Variants in ANKS1B observed in about 807,000 individuals in gnomAD.
ANKS1B encodes the protein ankyrin repeat and sterile alpha motif domain-containing protein 1B.
Under a neutral mutation model 148.3 loss-of-function variants are expected in ANKS1B, and 36 were observed. That is an observed-to-expected ratio of 0.24 (90% confidence interval 0.19 to 0.32). The LOEUF (loss-of-function observed/expected upper bound fraction) is 0.32, where lower values mean the gene tolerates loss of function less well. Among genes scored for constraint, ANKS1B ranks in the 10% least tolerant of loss-of-function variants. The pLI, the probability that ANKS1B is intolerant of heterozygous loss-of-function variation, is 1.00. For missense variants in ANKS1B, 1,157 were observed against 1,542.6 expected (o/e 0.75, Z 4.19); for synonymous variants, 542 against 560.8 (o/e 0.97, Z 0.47).
intron 11 of ANKS1B, among the ~76,000 whole-genome samples, chr12:99,442,976 A>G (rs967918638): frequency 6.6e-6 from 1 of 151,958 alleles, no homozygotes; most frequent in East Asian, 1.9e-4. Flanking sequence ...TGGCAAAAAT[A>G]TAATGCAAAC....
intron 11 of ANKS1B, among the ~76,000 whole-genome samples, chr12:99,422,396 G>T (rs1051530909): frequency 6.6e-5 from 10 of 152,190 alleles, no homozygotes; most frequent in Non-Finnish European, 1.3e-4. Context: ...AAGGTGAAAA[G>T]TCCTATGAAG....
chr12:99,581,753 C>A (rs1460133549), intron 9 of ANKS1B, among the ~76,000 whole-genome samples: 1 of 151,476 alleles, frequency 6.6e-6, no homozygotes, highest in Non-Finnish European at 1.5e-5. Flanking sequence ...TAGCCGGGCG[C>A]GGTGGCGGGC....
At chr12:98,880,592 C>G (rs1008801080) in intron 17 of ANKS1B, among the ~76,000 whole-genome samples, 1 of 151,874 alleles carries the variant, frequency 6.6e-6, no homozygotes, top group African/African-American at 2.4e-5. Context: ...TGGTGAAACC[C>G]CATCTCTACT....
intron 1 of ANKS1B, among the ~76,000 whole-genome samples, chr12:99,961,376 G>A (rs1312750295): frequency 6.6e-6 from 1 of 152,194 alleles, no homozygotes; most frequent in Admixed American, 6.5e-5. Context: ...CAAAATCGCT[G>A]AGGTAATAAA....
intron 17 of ANKS1B, among the ~76,000 whole-genome samples, chr12:98,959,385 C>G (rs377126505): frequency 6.6e-6 from 1 of 152,244 alleles, no homozygotes; most frequent in South Asian, 2.1e-4. Flanking sequence ...GGCTTGTTAT[C>G]TGGTAGAGGC....
intron 9 of ANKS1B, among the ~76,000 whole-genome samples, chr12:99,559,728 A>AATAAC (rs2097313179): frequency 6.6e-6 from 1 of 152,202 alleles, no homozygotes; most frequent in Non-Finnish European, 1.5e-5. Context: ...GTTAATAACA[A>AATAAC]AAGTCAGATA....
chr12:99,834,694 T>C (rs2084550986), intron 1 of ANKS1B, among the ~76,000 whole-genome samples: 1 of 152,188 alleles, frequency 6.6e-6, no homozygotes, highest in Non-Finnish European at 1.5e-5. Flanking sequence ...GAAGCACAAC[T>C]ACTCCACAAA....
At chr12:99,701,940 T>C (rs1051731958) in intron 8 of ANKS1B, among the ~76,000 whole-genome samples, 2 of 152,194 alleles carry the variant, frequency 1.3e-5, no homozygotes, top group African/African-American at 4.8e-5. Flanking sequence ...CATTCATCTG[T>C]TGATGGACAC....
At chr12:99,195,886 A>G (rs55767720) in intron 14 of ANKS1B, among the ~76,000 whole-genome samples, 2,344 of 152,256 alleles carry the variant, frequency 0.015, 51 homozygotes, top group African/African-American at 0.054. Flanking sequence ...TTTAAGGCGC[A>G]AGAAAATATT....
intron 15 of ANKS1B, among the ~76,000 whole-genome samples, chr12:99,113,886 G>T (rs1232556793): frequency 2.6e-5 from 4 of 152,138 alleles, no homozygotes; most frequent in Non-Finnish European, 5.9e-5. Flanking sequence ...TTTTAGAATG[G>T]TAATCAAGAT....
intron 12 of ANKS1B, among the ~76,000 whole-genome samples, chr12:99,390,839 G>A (rs542045188): frequency 2.6e-5 from 4 of 152,238 alleles, no homozygotes; most frequent in African/African-American, 7.2e-5. Context: ...CTGCCCTGGG[G>A]CCAGCTTGGC....
chr12:99,232,899 T>C (rs1321868778), intron 14 of ANKS1B, among the ~76,000 whole-genome samples: 1 of 152,050 alleles, frequency 6.6e-6, no homozygotes, highest in East Asian at 1.9e-4. Flanking sequence ...ACCAGCTATG[T>C]TTCAGGCTAT....
chr12:99,090,968 T>C (rs2053792608), intron 15 of ANKS1B, among the ~76,000 whole-genome samples: 1 of 152,144 alleles, frequency 6.6e-6, no homozygotes, highest in Non-Finnish European at 1.5e-5. Flanking sequence ...AATTCTATAG[T>C]ACACTAAAAA....
chr12:98,976,905 T>A (rs2099897373), intron 17 of ANKS1B, among the ~76,000 whole-genome samples: 1 of 152,274 alleles, frequency 6.6e-6, no homozygotes, highest in Admixed American at 6.5e-5. Flanking sequence ...TGCCTTGAAG[T>A]AATTAGCTAT....
intron 19 of ANKS1B, among the ~76,000 whole-genome samples, chr12:98,822,619 T>C (rs1406663127): frequency 1.3e-5 from 2 of 152,236 alleles, no homozygotes; most frequent in Admixed American, 6.5e-5. Context: ...ATCTTCTTTT[T>C]CTTTTTTTAA....
chr12:99,286,205 A>G (rs1602423685), intron 12 of ANKS1B, among the ~76,000 whole-genome samples: 1 of 151,668 alleles, frequency 6.6e-6, no homozygotes, highest in Non-Finnish European at 1.5e-5. Flanking sequence ...CAACTTGGAT[A>G]CCAGCTAAGC....
chr12:98,976,057 A>T (rs1017979987), intron 17 of ANKS1B, among the ~76,000 whole-genome samples: 4 of 152,252 alleles, frequency 2.6e-5, no homozygotes, highest in Non-Finnish European at 5.9e-5. Context: ...GCCAACTTTT[A>T]TGTGCTTAAA....
intron 17 of ANKS1B, among the ~76,000 whole-genome samples, chr12:99,014,795 G>T (rs1466891581): frequency 1.3e-5 from 2 of 152,154 alleles, no homozygotes; most frequent in African/African-American, 2.4e-5. Flanking sequence ...GATCATTAAA[G>T]AAATTCAAAT....
intron 11 of ANKS1B, among the ~76,000 whole-genome samples, chr12:99,429,142 GAAACAAAC>G (rs373490843): frequency 1.6e-4 from 25 of 151,886 alleles, no homozygotes; most frequent in African/African-American, 4.8e-4. Flanking sequence ...TTTCAGAAGA[GAAACAAAC>G]AAACAAACAA....
Sources: gnomAD v4.1 joint callset for allele counts (sites outside exome capture counted in the v4.1 genomes callset) on GRCh38, gnomAD v4.1.1 for gene constraint, MANE v1.5 for transcripts, NCBI Gene and HGNC (gene_info 2026-07-23, HGNC 2026-07-21) for gene names.